Variants in PIGL observed in about 807,000 individuals in gnomAD.
PIGL encodes the protein N-acetylglucosaminyl-phosphatidylinositol de-N-acetylase.
A neutral mutation model predicts 31.1 loss-of-function variants in PIGL; 22 were observed. The ratio of observed to expected loss-of-function variants is 0.71; its 90% CI spans 0.51 to 1.01. PIGL has a LOEUF of 1.01. PIGL is among the 50% of genes least tolerant of loss of function. The pLI is 0.00. For missense variants in PIGL, 302 were observed against 315.9 expected (o/e 0.96, Z 0.33); for synonymous variants, 131 against 117.4 (o/e 1.12, Z -0.75).
intron 1 of PIGL, 90 bp from the exon 2 acceptor site, chr17:16,233,881 A>C (rs1250848407): frequency 5.9e-6 from 4 of 678,304 alleles, no homozygotes; most frequent in African/African-American, 1.8e-5. Flanking sequence ...TAAATCCTTT[A>C]AGGAACAAAA....
chr17:16,322,277 A>G (rs981631441), intron 6 of PIGL, among the ~76,000 whole-genome samples: 2 of 151,444 alleles, frequency 1.3e-5, no homozygotes, highest in Non-Finnish European at 2.9e-5. Flanking sequence ...TATTTTTAGT[A>G]GAGACTGGGT....
intron 3 of PIGL, among the ~76,000 whole-genome samples, chr17:16,306,883 G>A (rs910478074): frequency 1.3e-5 from 2 of 152,158 alleles, no homozygotes; most frequent in Admixed American, 6.6e-5. Context: ...TGACAGTTCA[G>A]AGACAGTCAG....
chr17:16,264,827 G>A (rs572798604), intron 2 of PIGL, among the ~76,000 whole-genome samples: 10 of 146,734 alleles, frequency 6.8e-5, no homozygotes, highest in Admixed American at 4.7e-4. Flanking sequence ...GGGTTTCACC[G>A]TGTTGGCCAG....
Position 16,324,692 on chromosome 17 carries a change from G to A in PIGL, c.661-1108G>A, listed in dbSNP as rs188323099. 9.2e-5 allele frequency among the ~76,000 whole-genome samples: 14 copies of A among 152,130 alleles called. No homozygotes were observed. The East Asian group carries it at 1.2e-3, about 13-fold the overall frequency. On this transcript the variant is annotated intron_variant, in intron 6 of 6. Coordinates refer to ENST00000225609, the MANE Select transcript of PIGL (RefSeq NM_004278.4). ...AGGGTCTGACAATGAATATAAAAGG[G>A]GTTATTTACATAAAAGTTTGTGAAG...
intron 2 of PIGL, among the ~76,000 whole-genome samples, chr17:16,276,702 A>G (rs1039254949): frequency 6.6e-6 from 1 of 152,208 alleles, no homozygotes; most frequent in African/African-American, 2.4e-5. Flanking sequence ...GTGCCACTGC[A>G]CTCCAGCCTG....
intron 2 of PIGL, among the ~76,000 whole-genome samples, chr17:16,252,911 G>GT (rs1163601473): frequency 6.6e-6 from 1 of 152,074 alleles, no homozygotes; most frequent in Admixed American, 6.6e-5. Context: ...GAAAAGAACT[G>GT]TTTATGGTGA....
At chr17:16,228,545 C>T (rs907934357) in intron 1 of PIGL, among the ~76,000 whole-genome samples, 9 of 152,016 alleles carry the variant, frequency 5.9e-5, no homozygotes, top group East Asian at 1.9e-4. Flanking sequence ...CCCGCCACCA[C>T]GCCCGGCTAA....
intron 1 of PIGL, among the ~76,000 whole-genome samples, chr17:16,222,380 A>G (rs1364887267): frequency 6.6e-6 from 1 of 152,052 alleles, no homozygotes; most frequent in East Asian, 1.9e-4. Flanking sequence ...CATTCTAACA[A>G]GATCTTCAGT....
At chr17:16,300,266 G>A (rs924815779) in intron 3 of PIGL, 10 of 291,858 alleles carry the variant, frequency 3.4e-5, no homozygotes, top group African/African-American at 1.3e-4. Context: ...TCAAGCCCCC[G>A]CCTTTGTCCT....
intron 2 of PIGL, among the ~76,000 whole-genome samples, chr17:16,282,310 A>G (rs1464470258): frequency 6.6e-6 from 1 of 152,176 alleles, no homozygotes; most frequent in African/African-American, 2.4e-5. Context: ...CGAGGGAGGT[A>G]GAAAGACTCC....
At position 16,301,627 on chromosome 17, in the gene PIGL, A is replaced by T. The variant is rs1326038127; in HGVS notation, c.426+1649A>T. On this transcript the variant is annotated intron_variant, in intron 3 of 6. Transcript: ENST00000225609. ...CGCTCTGTTGCCCAGGCTGGAGTGC[A>T]GTGGTGTGATCGCCGCTCACTGCAA... 2.8e-5 allele frequency among the ~76,000 whole-genome samples: 4 copies of T among 140,508 alleles called. No homozygotes were observed. In the East Asian group the frequency reaches 8.4e-4, roughly 29 times the overall value. 92.2% of individuals were successfully genotyped at this position (140,508 alleles called of 152,430 possible).
intron 2 of PIGL, among the ~76,000 whole-genome samples, chr17:16,275,363 A>G (rs971646197): frequency 6.6e-6 from 1 of 152,166 alleles, no homozygotes; most frequent in Non-Finnish European, 1.5e-5. Context: ...TTTCATTGCC[A>G]TCTTGGTTTT....
intron 2 of PIGL, among the ~76,000 whole-genome samples, chr17:16,258,083 G>A (rs1384391084): frequency 1.8e-4 from 24 of 130,348 alleles, no homozygotes; most frequent in African/African-American, 6.8e-4. Context: ...GAGAGAGAGA[G>A]AGAGAGAGAG....
chr17:16,315,489 C>G (rs1463845485), intron 4 of PIGL, among the ~76,000 whole-genome samples: 1 of 151,972 alleles, frequency 6.6e-6, no homozygotes, highest in East Asian at 1.9e-4. Flanking sequence ...CTTGGTCCCC[C>G]TGTCCCCAGG....
intron 2 of PIGL, among the ~76,000 whole-genome samples, chr17:16,280,354 C>G (rs748676594): frequency 2.0e-5 from 3 of 152,082 alleles, no homozygotes; most frequent in Admixed American, 6.5e-5. Flanking sequence ...GTTTTCAGCC[C>G]CCAATACTTT....
intron 2 of PIGL, among the ~76,000 whole-genome samples, chr17:16,270,420 C>T (rs1205802709): frequency 6.6e-6 from 1 of 151,336 alleles, no homozygotes; most frequent in Non-Finnish European, 1.5e-5. Flanking sequence ...CCTCTGTGAT[C>T]CAACAATTAA....
At chr17:16,270,976 A>G (rs2092869496) in intron 2 of PIGL, among the ~76,000 whole-genome samples, 2 of 151,972 alleles carry the variant, frequency 1.3e-5, no homozygotes, top group South Asian at 4.1e-4. Flanking sequence ...CCTTTTTGTA[A>G]TTGGGATGTA....
At chr17:16,318,560 T>G (rs572364129) in intron 6 of PIGL, among the ~76,000 whole-genome samples, 32 of 151,470 alleles carry the variant, frequency 2.1e-4, no homozygotes, top group African/African-American at 7.5e-4. Flanking sequence ...CATGATCCAC[T>G]GTGCCCAGCC....
chr17:16,282,992 T>A (rs2092922709), intron 2 of PIGL, among the ~76,000 whole-genome samples: 1 of 145,406 alleles, frequency 6.9e-6, no homozygotes, highest in Non-Finnish European at 1.5e-5. Context: ...AGACCCCATG[T>A]CTACCAAAAA....
Sources: allele counts gnomAD v4.1 joint callset (sites outside exome capture counted in the v4.1 genomes callset), GRCh38; gene constraint gnomAD v4.1.1; transcripts MANE v1.5; gene names NCBI Gene and HGNC (gene_info 2026-07-23, HGNC 2026-07-21).